Variants in CSPP1 observed in about 807,000 individuals in gnomAD.
CSPP1 encodes the protein centrosome and spindle pole-associated protein 1.
A neutral mutation model predicts 164.4 loss-of-function variants in CSPP1; 126 were observed. The ratio of observed to expected loss-of-function variants is 0.77; its 90% confidence interval spans 0.66 to 0.89. CSPP1 has a LOEUF of 0.89. CSPP1 is among the 40% of genes least tolerant of loss of function. CSPP1 has a pLI of 0.00. For synonymous variants in CSPP1, 472 were observed against 476.7 expected (o/e 0.99, Z 0.13); for missense variants, 1,395 against 1,449.8 (o/e 0.96, Z 0.61).
intron 7 of CSPP1, among the ~76,000 whole-genome samples, chr8:67,098,164 C>A (rs1813230734): frequency 6.6e-6 from 1 of 151,500 alleles, no homozygotes; most frequent in African/African-American, 2.4e-5. Flanking sequence ...AGTTTCATCT[C>A]TTGCTCCAAG....
intron 8 of CSPP1, among the ~76,000 whole-genome samples, chr8:67,104,966 A>ATATATT (rs1247108884): frequency 4.9e-5 from 3 of 60,746 alleles, no homozygotes; most frequent in African/African-American, 2.1e-4. Flanking sequence ...ATATATATAT[A>ATATATT]TTTTTTTTTT....
Position 67,144,144 on chromosome 8 carries a change from G to A in CSPP1, c.1976-5639G>A, listed in dbSNP as rs977851953. 2.6e-5 allele frequency among the ~76,000 whole-genome samples: 4 copies of A among 152,220 alleles called. No homozygotes were observed. The East Asian group carries it at 7.7e-4, about 29-fold the overall frequency. ...AGAGGTTTCATTGTGAGTGTATGTT[G>A]AATTTTGTCAGGTGCTTTTCTGCAT... On this transcript the variant is annotated intron_variant, in intron 17 of 30. Transcript: ENST00000678616.
At chr8:67,158,962 G>C in intron 20 of CSPP1, 29 bp from the exon 21 acceptor site, 1 of 1,537,574 alleles carries the variant, frequency 6.5e-7, no homozygotes, top group South Asian at 1.2e-5. Flanking sequence ...GGAATATATG[G>C]AATGCATATT....
rs113067786 is a variant in CSPP1 at position 67,170,290 on chromosome 8, C to CA, written c.2829-2109dup. 8.2e-3 allele frequency among the ~76,000 whole-genome samples: 843 copies of CA among 102,516 alleles called. 3 individuals are homozygous for CA. The highest frequency in any genetic ancestry group is 0.015 in the Admixed American group (151 of 9,802). The allele number at this position is 102,516 out of a possible 152,430, so 67.3% of individuals were successfully genotyped here. ...CAAAATCCTGTCTCTACTAAAAATA[C>CA]AAAAAAAAAAAAAAAAATTAGCCGA... On this transcript the variant is annotated intron_variant, in intron 24 of 30. Coordinates refer to ENST00000678616, the MANE Select transcript of CSPP1 (RefSeq NM_001382391.1).
chr8:67,120,488 T>C, intron 15 of CSPP1, among the ~76,000 whole-genome samples: 1 of 152,232 alleles, frequency 6.6e-6, no homozygotes. Flanking sequence ...TTCTGATCCA[T>C]GAACATAAGA....
chr8:67,120,185 G>A (rs1818706599), intron 15 of CSPP1, among the ~76,000 whole-genome samples: 1 of 152,122 alleles, frequency 6.6e-6, no homozygotes, highest in African/African-American at 2.4e-5. Context: ...CCAAATATAC[G>A]AGGGTTTATT....
intron 3 of CSPP1, chr8:67,083,548 A>AAAAAAAAAAAAAATATATAT (rs1332248754): frequency 2.2e-5 from 2 of 91,502 alleles, no homozygotes; most frequent in African/African-American, 8.9e-5. Context: ...AAAAAAAAAA[A>AAAAAAAAAAAAAATATATAT]ATATATATAT....
intron 19 of CSPP1, chr8:67,157,545 C>T (rs907497547): frequency 1.3e-5 from 2 of 152,170 alleles, no homozygotes; most frequent in Non-Finnish European, 2.9e-5. Context: ...AGCCACCGCG[C>T]CTGGCCAGAT....
At chr8:67,158,413 TTTA>T in intron 19 of CSPP1, 31 bp from the exon 20 acceptor site, 1 of 1,529,148 alleles carries the variant, frequency 6.5e-7, no homozygotes, top group Non-Finnish European at 8.8e-7. Flanking sequence ...TTTCAATAGT[TTTA>T]CAAGATAAAT....
rs1827211040 is a variant in CSPP1, at chr8:67,159,063, G to A, written c.2464G>A (p.Glu822Lys). 6.2e-7 allele frequency: 1 copy of A among 1,609,882 alleles called. No homozygotes were observed. Among genetic ancestry groups the A allele is most frequent in the South Asian group, 1.1e-5 (1 of 90,694 alleles). The change falls in exon 21 of 31, where the codon GAA (glutamate) becomes AAA (lysine). Residue 822 changes from glutamate to lysine, a missense_variant. Transcript: ENST00000678616. ...AAAAGAAGCAGAAAGAAAGAAGAAA[G>A]AAGAAGAAGAAAAATATAACCTGCA... ...RQKEAERKKK[E>K]EEEKYNLQLQ... is the part of the protein sequence containing the mutation.
chr8:67,184,860 G>A (rs554066879), intron 28 of CSPP1, among the ~76,000 whole-genome samples: 2 of 149,344 alleles, frequency 1.3e-5, no homozygotes, highest in East Asian at 3.9e-4. Flanking sequence ...AGCACTTTGG[G>A]AGGCCGAGGA....
chr8:67,085,715 G>T lies in CSPP1; in HGVS notation c.200-292G>T, dbSNP rs7817823. On this transcript the variant is annotated intron_variant, in intron 3 of 30. Transcript: ENST00000678616. ...TGTATATGATAATATAAAAGTATCT[G>T]TTTATAGGTGCATTAAAAAATTATC... Among the ~76,000 whole-genome samples the T allele has an allele frequency of 1.9e-3, 284 of 152,172 alleles. 4 individuals are homozygous for T. Among genetic ancestry groups the T allele is most frequent in the African/African-American group, 6.6e-3 (273 of 41,562 alleles).
At chr8:67,123,071 A>G (rs1248033679) in intron 15 of CSPP1, 1 of 152,010 alleles carries the variant, frequency 6.6e-6, no homozygotes, top group Non-Finnish European at 1.5e-5. Context: ...TGATTTGTTT[A>G]TTTTTTGTGG....
At chr8:67,121,290 G>T (rs1040230751) in intron 15 of CSPP1, among the ~76,000 whole-genome samples, 1 of 152,124 alleles carries the variant, frequency 6.6e-6, no homozygotes, top group Non-Finnish European at 1.5e-5. Context: ...TTTCACTGTT[G>T]TGTATGATGT....
At chr8:67,195,252 C>CTACT (rs1278802354) in intron 30 of CSPP1, 130 bp from the exon 31 acceptor site, 14 of 725,270 alleles carry the variant, frequency 1.9e-5, no homozygotes, top group African/African-American at 5.2e-5. Context: ...AACAAACAAA[C>CTACT]AGTAGAGTTC....
In CSPP1 at chr8:67,064,399, A is replaced by C. The variant is rs370569030; in HGVS notation, c.-150A>C. 27 of 1,613,278 alleles carry C rather than the reference A, an allele frequency of 1.7e-5. No individual in the cohort carries two copies. The highest frequency in any genetic ancestry group is 1.6e-4 in the South Asian group (15 of 91,038). On this transcript the variant is annotated 5_prime_UTR_variant, in exon 1 of 31. The change abolishes an upstream ATG in the 5' untranslated region. Coordinates refer to ENST00000678616, the MANE Select transcript of CSPP1 (RefSeq NM_001382391.1). The stretch of plus-strand genomic sequence containing the variant: ...CGGAGCCCCGGCCCGGAGGTCTGTC[A>C]TGCTGTTCCCGCTCCAGGTGGCCGC...
intron 9 of CSPP1, among the ~76,000 whole-genome samples, chr8:67,106,538 T>G (rs1815569542): frequency 6.6e-6 from 1 of 152,210 alleles, no homozygotes; most frequent in Non-Finnish European, 1.5e-5. Flanking sequence ...TTTCATGTAG[T>G]TTCTGAGAAG....
intron 24 of CSPP1, among the ~76,000 whole-genome samples, chr8:67,170,715 A>C (rs559825099): frequency 6.6e-6 from 1 of 152,282 alleles, no homozygotes; most frequent in Non-Finnish European, 1.5e-5. Flanking sequence ...ATTTTGAAAA[A>C]TTTCAATAAC....
At chr8:67,079,441 G>A (rs1285874888) in intron 3 of CSPP1, among the ~76,000 whole-genome samples, 1 of 152,130 alleles carries the variant, frequency 6.6e-6, no homozygotes, top group Non-Finnish European at 1.5e-5. Flanking sequence ...AAGTCTAGTT[G>A]ATTCTAATGC....
Sources: gnomAD v4.1 joint callset for allele counts (sites outside exome capture counted in the v4.1 genomes callset) on GRCh38, gnomAD v4.1.1 for gene constraint, MANE v1.5 for transcripts, NCBI Gene and HGNC (gene_info 2026-07-23, HGNC 2026-07-21) for gene names.